CX3CL1: variants seen among roughly 807,000 people sequenced by gnomAD.
CX3CL1 encodes fractalkine.
Under a neutral mutation model 14.1 loss-of-function variants are expected in CX3CL1, and 1 was observed. That is an observed-to-expected ratio of 0.07 (90% CI 0.03 to 0.34). The LOEUF (loss-of-function observed/expected upper bound fraction) is 0.34. Ranked by LOEUF, CX3CL1 falls within the 10% of genes least tolerant of loss-of-function variation. The pLI is 0.99. For synonymous variants in CX3CL1, 255 were observed against 229.6 expected (o/e 1.11, Z -1.00); for missense variants, 505 against 536.4 (o/e 0.94, Z 0.58).
intron 1 of CX3CL1, among the ~76,000 whole-genome samples, chr16:57,373,377 G>A (rs1902205301): frequency 6.6e-6 from 1 of 152,216 alleles, no homozygotes; most frequent in African/African-American, 2.4e-5. Context: ...GCCTGACAAT[G>A]CACAGCCAGC....
chr16:57,373,293 A>G (rs1009522079), intron 1 of CX3CL1, among the ~76,000 whole-genome samples: 3 of 152,184 alleles, frequency 2.0e-5, no homozygotes, highest in African/African-American at 7.2e-5. Flanking sequence ...GAAGCCCAGG[A>G]CCTGGTAGGG....
At chr16:57,376,970 G>A (rs1597996545) in intron 1 of CX3CL1, 2 of 152,190 alleles carry the variant, frequency 1.3e-5, no homozygotes, top group African/African-American at 4.8e-5. Flanking sequence ...CTCTGAGAAG[G>A]GACAGGCTCC....
intron 1 of CX3CL1, among the ~76,000 whole-genome samples, chr16:57,376,438 A>C (rs1469326176): frequency 8.4e-5 from 11 of 131,156 alleles, no homozygotes; most frequent in Middle Eastern, 4.2e-3. Flanking sequence ...CTGAATCAGG[A>C]AGTGGATGGA....
chr16:57,372,914 G>A lies in CX3CL1; in HGVS notation c.70+276G>A, dbSNP rs1271311681. On this transcript the variant is annotated intron_variant, in intron 1 of 2. Coordinates refer to ENST00000006053, the MANE Select transcript of CX3CL1 (RefSeq NM_002996.6). ...CAGAGAGGTGGTGTGGGTGGCATAA[G>A]GGAGCCAGGTGTGGGTGTGCCAGGA... Among the ~76,000 whole-genome samples, 6 of 152,308 alleles carry A rather than the reference G, an allele frequency of 3.9e-5. No homozygotes were observed. In the East Asian group the frequency reaches 1.2e-3, roughly 29 times the overall value.
Position 57,382,119 on chromosome 16 carries a change from C to T in CX3CL1, c.281C>T (p.Ala94Val), listed in dbSNP as rs1258351412. 6.2e-7 allele frequency: 1 copy of T among 1,614,068 alleles called. No individual in the cohort carries two copies. Among genetic ancestry groups the T allele is most frequent in the Admixed American group, 1.7e-5 (1 of 60,018 alleles). The change falls in exon 3 of 3, where the codon GCT (alanine) becomes GTT (valine). Residue 94 changes from alanine (A) to valine (V), a missense_variant. Transcript: ENST00000006053. The surrounding 1 kb of genome is among the most constrained non-coding windows in gnomAD (Gnocchi z 6.9). ...ATGCAGCATCTGGACCGCCAGGCTG[C>T]TGCCCTAACTCGAAATGGCGGCACC... ...DAMQHLDRQA[A>V]ALTRNGGTFE...
chr16:57,382,693 C>T lies in CX3CL1; in HGVS notation c.855C>T (p.His285=), dbSNP rs149904106. 1,748 of 1,612,566 alleles carry T rather than the reference C, an allele frequency of 1.1e-3. 18 individuals carry two copies. The South Asian group carries it at 0.011, about 10-fold the overall frequency. The change falls in exon 3 of 3, where the codon CAC becomes CAT. Residue 285 remains histidine, a synonymous_variant. Transcript: ENST00000006053. The surrounding 1 kb of genome is among the most constrained non-coding windows in gnomAD (Gnocchi z 6.9). The stretch of plus-strand genomic sequence containing the variant: ...ACTGGGGGCCTGGCAGCATGGCCCA[C>T]GTCTCTGTGGTCCCTGTCTCCTCAG... ...FQDWGPGSMA[H]VSVVPVSSEG... is the part of the protein sequence containing the mutation.
chr16:57,372,537 G>A lies in CX3CL1; in HGVS notation c.-32G>A. On this transcript the variant is annotated 5_prime_UTR_variant, in exon 1 of 3. Transcript: ENST00000006053. Reference sequence around the variant, plus strand: ...CCGCCTGGCTCTAGCCGCCTGCCTGGCCCCCGCCGGGACTCTTGCCCACCC... The same window carrying A: ...CCGCCTGGCTCTAGCCGCCTGCCTGACCCCCGCCGGGACTCTTGCCCACCC... The A allele has an allele frequency of 6.2e-7, 1 of 1,605,216 alleles. No homozygotes were observed. The highest frequency in any genetic ancestry group is 8.5e-7 in the Non-Finnish European group (1 of 1,177,454).
At chr16:57,381,034 G>A (rs1902313617) in intron 2 of CX3CL1, among the ~76,000 whole-genome samples, 1 of 152,306 alleles carries the variant, frequency 6.6e-6, no homozygotes, top group African/African-American at 2.4e-5. Flanking sequence ...TCTAGATGAA[G>A]GGGAAGAAGG....
intron 1 of CX3CL1, chr16:57,376,979 C>G (rs541083672): frequency 1.3e-5 from 2 of 152,300 alleles, no homozygotes; most frequent in South Asian, 4.2e-4. Context: ...GGGACAGGCT[C>G]CCCAGGTCAG....
Position 57,382,033 on chromosome 16 carries a change from G to A in CX3CL1, c.195G>A (p.Leu65=), listed in dbSNP as rs1337836307. 2 of 1,575,192 alleles carry A rather than the reference G, an allele frequency of 1.3e-6. No individual in the cohort carries two copies. The change falls in exon 3 of 3, where the codon TTG becomes TTA. Residue 65 remains leucine (L), a synonymous_variant. Coordinates refer to ENST00000006053, the MANE Select transcript of CX3CL1 (RefSeq NM_002996.6). This position sits in a 1 kb window ranked among gnomAD's most constrained non-coding sequence, Gnocchi z 6.9. ...TCCCTGTCTTCCTCCCTTGTAGCTT[G>A]GAGACGAGACAGCACAGGCTGTTCT... ...QASCGKRAII[L]ETRQHRLFCA... is the part of the protein sequence containing the mutation.
chr16:57,376,073 G>A (rs114618486), intron 1 of CX3CL1, among the ~76,000 whole-genome samples: 1,808 of 152,256 alleles, frequency 0.012, 34 homozygotes, highest in African/African-American at 0.037. Context: ...GAGCAGATGT[G>A]TACATGCTGG....
At chr16:57,372,669 G>A (rs1902194779) in intron 1 of CX3CL1, 31 bp downstream of exon 1, 1 of 1,609,774 alleles carries the variant, frequency 6.2e-7, no homozygotes, top group Admixed American at 1.7e-5. Context: ...GCACAAACAG[G>A]GTAGGGAGCC....
chr16:57,381,354 T>C (rs1200019298), intron 2 of CX3CL1, among the ~76,000 whole-genome samples: 1 of 152,092 alleles, frequency 6.6e-6, no homozygotes, highest in African/African-American at 2.4e-5. Context: ...TGGAGGGCGC[T>C]CGGGATCCCA....
At chr16:57,379,338 AAT>A in intron 1 of CX3CL1, 1 of 426,678 alleles carries the variant, frequency 2.3e-6, no homozygotes, top group Admixed American at 4.2e-5. Context: ...AAAAAAAAAA[AAT>A]TAAACTCTTA....
At chr16:57,372,675 G>A in intron 1 of CX3CL1, 37 bp downstream of exon 1, 7 of 1,606,672 alleles carry the variant, frequency 4.4e-6, no homozygotes, top group Non-Finnish European at 5.1e-6. Context: ...ACAGGGTAGG[G>A]AGCCCCCAGC....
chr16:57,382,706 C>G lies in CX3CL1; in HGVS notation c.868C>G (p.Pro290Ala). ...PGSMAHVSVVPVSSEGTPSRE... is the reference protein window; with the variant it reads ...PGSMAHVSVVAVSSEGTPSRE... ...CAGCATGGCCCACGTCTCTGTGGTC[C>G]CTGTCTCCTCAGAAGGGACCCCCAG... The change falls in exon 3 of 3, where the codon CCT (proline) becomes GCT (alanine). Residue 290 changes from proline to alanine, a missense_variant. Coordinates refer to ENST00000006053, the MANE Select transcript of CX3CL1 (RefSeq NM_002996.6). This position sits in a 1 kb window ranked among gnomAD's most constrained non-coding sequence, Gnocchi z 6.9. 4 of 1,612,860 alleles carry G rather than the reference C, an allele frequency of 2.5e-6. No individual in the cohort carries two copies. Among genetic ancestry groups the G allele is most frequent in the Non-Finnish European group, 3.4e-6 (4 of 1,179,378 alleles).
Position 57,382,852 on chromosome 16 carries a change from C to T in CX3CL1, c.1014C>T (p.Thr338=). 1 of 1,559,206 alleles carries T rather than the reference C, an allele frequency of 6.4e-7. No homozygotes were observed. Among genetic ancestry groups the T allele is most frequent in the Non-Finnish European group, 8.7e-7 (1 of 1,148,540 alleles). ...ITPVPDAQAA[T]RRQAVGLLAF... ...CTGTCCCTGACGCCCAGGCTGCCACCCGGAGGCAGGCGGTGGGGCTGCTGG... is the reference window on the plus strand; with the variant it reads ...CTGTCCCTGACGCCCAGGCTGCCACTCGGAGGCAGGCGGTGGGGCTGCTGG... Residue 338 remains threonine, a synonymous_variant, in exon 3 of 3, where the codon ACC becomes ACT. Transcript: ENST00000006053. The surrounding 1 kb of genome is among the most constrained non-coding windows in gnomAD (Gnocchi z 6.9).
chr16:57,383,099 A>AC lies in CX3CL1; in HGVS notation c.*72dup, dbSNP rs1902358560. ...CCTGGGATCCCTCATCCTCATACCC[A>AC]CCCCCACCCAAGGGCCTGGCCTGAG... On this transcript the variant is annotated 3_prime_UTR_variant, in exon 3 of 3. Coordinates refer to ENST00000006053, the MANE Select transcript of CX3CL1 (RefSeq NM_002996.6). 2 of 1,301,378 alleles carry AC rather than the reference A, an allele frequency of 1.5e-6. No individual in the cohort carries two copies. The highest frequency in any genetic ancestry group is 2.0e-6 in the Non-Finnish European group (2 of 1,007,862). The allele number at this position is 1,301,378 out of a possible 1,614,324, so 80.6% of individuals were successfully genotyped here.
At position 57,383,083 on chromosome 16, in the gene CX3CL1, C is replaced by T. The variant is rs1198875042; in HGVS notation, c.*51C>T. Reference sequence around the variant, plus strand: ...TTGATTCAGACAGCTGCCTGGGATCCCTCATCCTCATACCCACCCCCACCC... The same window carrying T: ...TTGATTCAGACAGCTGCCTGGGATCTCTCATCCTCATACCCACCCCCACCC... On this transcript the variant is annotated 3_prime_UTR_variant, in exon 3 of 3. Coordinates refer to ENST00000006053, the MANE Select transcript of CX3CL1 (RefSeq NM_002996.6). 7.4e-7 allele frequency: 1 copy of T among 1,356,874 alleles called. No individual in the cohort carries two copies. The highest frequency in any genetic ancestry group is 9.6e-7 in the Non-Finnish European group (1 of 1,044,076). The allele number at this position is 1,356,874 out of a possible 1,614,324, so 84.1% of individuals were successfully genotyped here.
Sources: gnomAD v4.1 joint callset for allele counts (sites outside exome capture counted in the v4.1 genomes callset) on GRCh38, gnomAD v4.1.1 for gene constraint, Gnocchi (gnomAD v3.1) non-coding constraint, MANE v1.5 for transcripts, NCBI Gene and HGNC (gene_info 2026-07-23, HGNC 2026-07-21) for gene names.